The following THSD7A variants were observed in gnomAD, a reference collection of about 807,000 sequenced individuals.
THSD7A encodes the protein thrombospondin type 1 domain containing 7A.
THSD7A carries 96 observed loss-of-function variants against 231.3 expected under a neutral mutation model. That is an observed-to-expected ratio of 0.41 (90% CI 0.35 to 0.49). THSD7A has a LOEUF of 0.49. Ranked by LOEUF, THSD7A falls within the 20% of genes least tolerant of loss-of-function variation. THSD7A has a pLI of 0.05. For missense variants in THSD7A, 2,290 were observed against 2,070.2 expected (o/e 1.11, Z -2.06); for synonymous variants, 940 against 743.3 (o/e 1.26, Z -4.30).
intron 4 of THSD7A, among the ~76,000 whole-genome samples, chr7:11,580,418 C>A (rs1791104631): frequency 1.3e-5 from 2 of 152,136 alleles, no homozygotes; most frequent in African/African-American, 4.8e-5. Context: ...CACCCTATGT[C>A]AGCCTTGTGA....
At chr7:11,712,325 G>A (rs889166732) in intron 1 of THSD7A, among the ~76,000 whole-genome samples, 1 of 150,910 alleles carries the variant, frequency 6.6e-6, no homozygotes, top group Admixed American at 6.6e-5. Context: ...ATTCACCATT[G>A]GTTTGAGTTT....
At chr7:11,448,063 C>G (rs1266466138) in intron 11 of THSD7A, among the ~76,000 whole-genome samples, 1 of 152,052 alleles carries the variant, frequency 6.6e-6, no homozygotes, top group African/African-American at 2.4e-5. Context: ...CCTCCATCTC[C>G]TCTTTCTACA....
At chr7:11,605,890 G>A (rs1195375942) in intron 2 of THSD7A, among the ~76,000 whole-genome samples, 1 of 152,046 alleles carries the variant, frequency 6.6e-6, no homozygotes, top group Non-Finnish European at 1.5e-5. Flanking sequence ...TGGGTACTCT[G>A]CCTCTCCCTA....
intron 1 of THSD7A, among the ~76,000 whole-genome samples, chr7:11,813,698 G>T (rs1054625715): frequency 6.7e-6 from 1 of 149,064 alleles, no homozygotes. Flanking sequence ...GGGCGACAGA[G>T]CAAGACTCCA....
At position 11,640,229 on chromosome 7, in the gene THSD7A, A is replaced by G. The variant is rs1316948184; in HGVS notation, c.191-3268T>C. 3.3e-5 allele frequency among the ~76,000 whole-genome samples: 5 copies of G among 152,228 alleles called. No homozygotes were observed. In the East Asian group the frequency reaches 9.6e-4, roughly 29 times the overall value. On this transcript the variant is annotated intron_variant, in intron 1 of 27. Coordinates refer to ENST00000423059, the MANE Select transcript of THSD7A (RefSeq NM_015204.3). Reference sequence around the variant, plus strand: ...TCTGCCGCCTGCAACAGTTTTAGACAGTACACATAGAACAAGTTCAGTAAT... The same window carrying G: ...TCTGCCGCCTGCAACAGTTTTAGACGGTACACATAGAACAAGTTCAGTAAT...
At chr7:11,798,676 C>T (rs906670287) in intron 1 of THSD7A, among the ~76,000 whole-genome samples, 47 of 151,944 alleles carry the variant, frequency 3.1e-4, no homozygotes, top group African/African-American at 1.1e-3. Flanking sequence ...TGTGAACATA[C>T]TTTTATGCTG....
intron 9 of THSD7A, 31 bp from the exon 10 acceptor site, chr7:11,462,174 C>T: frequency 6.2e-7 from 1 of 1,609,940 alleles, no homozygotes; most frequent in East Asian, 2.2e-5. Context: ...AACCTCTGTA[C>T]TTTACACTGA....
intron 1 of THSD7A, among the ~76,000 whole-genome samples, chr7:11,770,734 A>G (rs1783193743): frequency 6.6e-6 from 1 of 152,142 alleles, no homozygotes; most frequent in Non-Finnish European, 1.5e-5. Context: ...TATGCAAAAA[A>G]ATTAATGCTA....
At chr7:11,681,317 C>T (rs960971144) in intron 1 of THSD7A, among the ~76,000 whole-genome samples, 7 of 152,106 alleles carry the variant, frequency 4.6e-5, no homozygotes, top group African/African-American at 1.7e-4. Flanking sequence ...AGGACATAGG[C>T]ATGGGCAATG....
chr7:11,390,618 C>T (rs1782942952), intron 23 of THSD7A, among the ~76,000 whole-genome samples: 1 of 152,036 alleles, frequency 6.6e-6, no homozygotes, highest in Non-Finnish European at 1.5e-5. Context: ...ATTCTCTGTC[C>T]AGTTTTGTTC....
chr7:11,654,886 G>C (rs760223137), intron 1 of THSD7A, among the ~76,000 whole-genome samples: 9 of 151,860 alleles, frequency 5.9e-5, no homozygotes, highest in Non-Finnish European at 1.2e-4. Context: ...GAATATAATA[G>C]AGAATAAACT....
chr7:11,543,170 G>A (rs891503334), intron 4 of THSD7A, 53 bp from the exon 5 acceptor site: 4 of 1,504,714 alleles, frequency 2.7e-6, no homozygotes, highest in Middle Eastern at 1.8e-4. Context: ...AACATATATG[G>A]CCAACAATAT....
intron 1 of THSD7A, among the ~76,000 whole-genome samples, chr7:11,730,317 G>T (rs1159493540): frequency 6.6e-6 from 1 of 151,412 alleles, no homozygotes; most frequent in African/African-American, 2.4e-5. Flanking sequence ...TTACATTTTT[G>T]TATTTCTCTT....
At chr7:11,736,602 G>A (rs1781924011) in intron 1 of THSD7A, among the ~76,000 whole-genome samples, 2 of 151,888 alleles carry the variant, frequency 1.3e-5, no homozygotes, top group Non-Finnish European at 2.9e-5. Flanking sequence ...TCTGAATAAT[G>A]TTTTTATCTT....
chr7:11,779,346 T>C (rs1014302743), intron 1 of THSD7A, among the ~76,000 whole-genome samples: 5 of 152,174 alleles, frequency 3.3e-5, no homozygotes, highest in African/African-American at 1.2e-4. Context: ...TGGTCGGTAT[T>C]AGAAGTTAAT....
intron 1 of THSD7A, among the ~76,000 whole-genome samples, chr7:11,818,640 G>GA (rs1290331611): frequency 6.6e-6 from 1 of 152,140 alleles, no homozygotes; most frequent in Non-Finnish European, 1.5e-5. Flanking sequence ...GCAAAGCAAG[G>GA]AAAAGTAGAT....
At chr7:11,664,482 G>A (rs1309602215) in intron 1 of THSD7A, among the ~76,000 whole-genome samples, 1 of 151,908 alleles carries the variant, frequency 6.6e-6, no homozygotes, top group Non-Finnish European at 1.5e-5. Flanking sequence ...CACATGCTTA[G>A]TAACATTATT....
At chr7:11,376,498 T>G in intron 27 of THSD7A, 72 bp downstream of exon 27, 3 of 1,169,958 alleles carry the variant, frequency 2.6e-6, no homozygotes, top group Non-Finnish European at 2.4e-6. Context: ...AGTACTTATT[T>G]GAGACATTAG....
rs181982425 is a variant in THSD7A, at chr7:11,371,191, C to A, written c.*4603G>T. ...ATTCATTTAATAATGTAGACATAAC[C>A]ATTTTTCATTGTCCCTGCTAGATAT... On this transcript the variant is annotated 3_prime_UTR_variant, in exon 28 of 28. Transcript: ENST00000423059. 1 of 152,242 alleles carries A rather than the reference C, an allele frequency of 6.6e-6. No homozygotes were observed. The highest frequency in any genetic ancestry group is 2.4e-5 in the African/African-American group (1 of 41,552). 9.4% of individuals were successfully genotyped at this position (152,242 alleles called of 1,614,324 possible).
Sources: allele counts gnomAD v4.1 joint callset (sites outside exome capture counted in the v4.1 genomes callset), GRCh38; gene constraint gnomAD v4.1.1; transcripts MANE v1.5; gene names NCBI Gene and HGNC (gene_info 2026-07-23, HGNC 2026-07-21).